The following HESX1 variants were observed in gnomAD, a reference collection of about 807,000 sequenced individuals.
HESX1 encodes HESX homeobox 1, also known as homeobox expressed in ES cells 1.
HESX1 carries 11 observed loss-of-function variants against 22.5 expected under a neutral mutation model. The ratio of observed to expected loss-of-function variants is 0.49; its 90% CI spans 0.31 to 0.81. HESX1 has a LOEUF of 0.81. HESX1 is among the 30% of genes least tolerant of loss of function. The pLI is 0.05. For synonymous variants in HESX1, 74 were observed against 76.5 expected, an observed-to-expected ratio of 0.97 and a Z score of 0.17; for missense variants, 201 against 212.6, an observed-to-expected ratio of 0.95 and a Z score of 0.34.
In HESX1 at chr3:57,198,457, G is replaced by A. The variant is rs570105096; in HGVS notation, c.393C>T (p.Cys131=). Residue 131 remains cysteine, a synonymous_variant, in exon 3 of 4, where the codon TGC becomes TGT. Coordinates refer to ENST00000295934, the MANE Select transcript of HESX1 (RefSeq NM_003865.3). ...EVLENVFRVN[C]YPGIDIREDL... ...CTTCTCTAATATCGATACCAGGATA[G>A]CAGTTTACTCTAAAGACATTTTCTA... 6 of 1,604,074 alleles carry A rather than the reference G, an allele frequency of 3.7e-6. No individual in the cohort carries two copies. In the South Asian group the frequency reaches 6.6e-5, roughly 18 times the overall value.
At chr3:57,205,998 C>T (rs2060517753) in intron 1 of HESX1, among the ~76,000 whole-genome samples, 1 of 152,138 alleles carries the variant, frequency 6.6e-6, no homozygotes, top group Non-Finnish European at 1.5e-5. Flanking sequence ...TGAGACCAGC[C>T]TGGCCAACAT....
chr3:57,210,544 T>C (rs375419897), intron 1 of HESX1, among the ~76,000 whole-genome samples: 107 of 152,330 alleles, frequency 7.0e-4, no homozygotes, highest in African/African-American at 2.4e-3. Flanking sequence ...TTTCACACTT[T>C]CAGTATTTTT....
chr3:57,224,874 C>A (rs2060633657), intron 1 of HESX1, among the ~76,000 whole-genome samples: 1 of 152,102 alleles, frequency 6.6e-6, no homozygotes. Context: ...GTAAATTATA[C>A]GTGTGAAATG....
At chr3:57,218,185 C>T (rs1240701507) in intron 1 of HESX1, among the ~76,000 whole-genome samples, 1 of 152,112 alleles carries the variant, frequency 6.6e-6, no homozygotes, top group African/African-American at 2.4e-5. Flanking sequence ...GTTTCTTGTA[C>T]AGATCATTTC....
At position 57,198,564 on chromosome 3, in the gene HESX1, C is replaced by G. The variant is rs1347448201; in HGVS notation, c.358-72G>C. ...TTTAATTTCTAGAGTAAAATGACTA[C>G]ATTTAAATCTTGGCAATTAATCTGG... On this transcript the variant is annotated intron_variant, in intron 2 of 3. Transcript: ENST00000295934. The G allele has an allele frequency of 8.3e-6, 9 of 1,086,948 alleles. 1 individual carries two copies. The South Asian group carries it at 1.1e-4, about 13-fold the overall frequency. 67.3% of individuals were successfully genotyped at this position (1,086,948 alleles called of 1,614,324 possible). A position where few individuals can be genotyped will look rare whatever the true frequency, so the allele number is the denominator to read the frequency against.
upstream of HESX1, among the ~76,000 whole-genome samples, chr3:57,202,935 G>A (rs2060498518): frequency 6.6e-6 from 1 of 152,206 alleles, no homozygotes; most frequent in African/African-American, 2.4e-5. Context: ...TCTTGCAGTT[G>A]AAAATCACTT....
intron 2 of HESX1, 23 bp downstream of exon 2, chr3:57,198,730 T>C (rs1203274652): frequency 1.2e-6 from 2 of 1,606,920 alleles, no homozygotes; most frequent in Non-Finnish European, 1.7e-6. Flanking sequence ...ATATTATCAT[T>C]ATTGGGTGAA....
chr3:57,226,960 T>G (rs753011620), upstream of HESX1, among the ~76,000 whole-genome samples: 7 of 152,264 alleles, frequency 4.6e-5, no homozygotes, highest in Non-Finnish European at 8.8e-5. Flanking sequence ...CTTCACTTTA[T>G]TGTAAAATTA....
upstream of HESX1, among the ~76,000 whole-genome samples, chr3:57,201,875 A>ATATCTATCTATCTATCTATC (rs759735344): frequency 1.5e-5 from 2 of 131,844 alleles, no homozygotes; most frequent in Admixed American, 7.9e-5. Context: ...CTATCTATCT[A>ATATCTATCTATCTATCTATC]TATCTATCTA....
chr3:57,212,038 T>A (rs972457976), intron 1 of HESX1, among the ~76,000 whole-genome samples: 2 of 152,188 alleles, frequency 1.3e-5, no homozygotes, highest in Non-Finnish European at 2.9e-5. Context: ...ACAGTGCCTG[T>A]CACATAGGAA....
Position 57,198,761 on chromosome 3 carries a change from G to A in HESX1, c.349C>T (p.Gln117Ter). ...RGRRPRTAFT[Q>*]NQIEVLENVF... ...GTGAAAAAACTTCCCACCTGGTTTT[G>A]AGTAAAAGCAGTTCTTGGTCTTCGG... Residue 117 changes from glutamine (Q) to a stop codon, truncating the protein, a stop_gained, in exon 2 of 4, where the codon CAA becomes TAA. Transcript: ENST00000295934. LOFTEE classifies it high-confidence loss of function. 1 of 1,613,778 alleles carries A rather than the reference G, an allele frequency of 6.2e-7. No homozygotes were observed. The highest frequency in any genetic ancestry group is 8.5e-7 in the Non-Finnish European group (1 of 1,179,876).
At chr3:57,215,730 G>T (rs2060579485) in intron 1 of HESX1, among the ~76,000 whole-genome samples, 1 of 152,110 alleles carries the variant, frequency 6.6e-6, no homozygotes, top group Admixed American at 6.5e-5. Flanking sequence ...TCGTGCCATT[G>T]CACTCCAGCC....
At chr3:57,217,543 A>T (rs928185215) in intron 1 of HESX1, among the ~76,000 whole-genome samples, 6 of 152,256 alleles carry the variant, frequency 3.9e-5, no homozygotes, top group African/African-American at 1.4e-4. Flanking sequence ...CCCCTGTGCT[A>T]GTGCTAGGTT....
chr3:57,207,107 C>T (rs2060524084), intron 1 of HESX1, among the ~76,000 whole-genome samples: 1 of 152,074 alleles, frequency 6.6e-6, no homozygotes, highest in Non-Finnish European at 1.5e-5. Context: ...GCCACCATGC[C>T]GGGCTAATTT....
At chr3:57,222,125 G>T (rs185576193) in intron 1 of HESX1, among the ~76,000 whole-genome samples, 1,707 of 152,232 alleles carry the variant, frequency 0.011, 30 homozygotes, top group African/African-American at 0.039. Flanking sequence ...TTATCCCTGA[G>T]AGTCTTATTT....
chr3:57,206,490 T>C (rs1304112185), intron 1 of HESX1, among the ~76,000 whole-genome samples: 2 of 152,176 alleles, frequency 1.3e-5, no homozygotes, highest in Non-Finnish European at 1.5e-5. Flanking sequence ...TGATTATAGA[T>C]AAAACATACC....
chr3:57,203,877 G>A (rs1579353710), upstream of HESX1, among the ~76,000 whole-genome samples: 1 of 152,214 alleles, frequency 6.6e-6, no homozygotes. Flanking sequence ...CACCATGTTG[G>A]TCAGGCTGGT....
At chr3:57,223,667 A>C (rs528773922) in intron 1 of HESX1, among the ~76,000 whole-genome samples, 1 of 152,306 alleles carries the variant, frequency 6.6e-6, no homozygotes, top group South Asian at 2.1e-4. Flanking sequence ...AAATGACTGA[A>C]GTTCCCAAAT....
chr3:57,199,882 C>T lies in HESX1; in HGVS notation c.37G>A (p.Glu13Lys), dbSNP rs866039836. 6.2e-7 allele frequency: 1 copy of T among 1,614,018 alleles called. No homozygotes were observed. The highest frequency in any genetic ancestry group is 8.5e-7 in the Non-Finnish European group (1 of 1,179,974). Residue 13 changes from glutamate to lysine, a missense_variant, in exon 1 of 4, where the codon GAA (glutamate) becomes AAA (lysine). Physicochemically the swap from Glu to Lys is moderately conservative, Grantham distance 56. Coordinates refer to ENST00000295934, the MANE Select transcript of HESX1 (RefSeq NM_003865.3). ...PSLQEGAQLG[E>K]NKPSTCSFSI... ...AAGGAGCAAGTTGAGGGTTTGTTTT[C>T]CCCGAGCTGAGCGCCTTCCTGAAGG...
Sources: gnomAD v4.1 joint callset for allele counts (sites outside exome capture counted in the v4.1 genomes callset) on GRCh38, gnomAD v4.1.1 for gene constraint, MANE v1.5 for transcripts, NCBI Gene and HGNC (gene_info 2026-07-23, HGNC 2026-07-21) for gene names.